KLHL8: variants seen among roughly 807,000 people sequenced by gnomAD.
KLHL8 encodes the protein kelch like family member 8, also known as kelch-like protein 8.
Under a neutral mutation model 63.5 loss-of-function variants are expected in KLHL8, and 38 were observed. The ratio of observed to expected loss-of-function variants is 0.60; its 90% CI spans 0.46 to 0.78. The LOEUF (loss-of-function observed/expected upper bound fraction) is 0.78, where lower values mean the gene tolerates loss of function less well. Among genes scored for constraint, KLHL8 ranks in the 30% least tolerant of loss-of-function variants. The probability of loss-of-function intolerance (pLI) is 0.00; values close to 1 mark genes in which losing one functional copy is unlikely to be tolerated. For synonymous variants in KLHL8, 224 were observed against 254.3 expected (o/e 0.88, Z 1.13); for missense variants, 566 against 752.4 (o/e 0.75, Z 2.90).
At position 87,162,437 on chromosome 4, in the gene KLHL8, ATC is replaced by A. The variant is rs1730209469; in HGVS notation, c.*1080_*1081del. On this transcript the variant is annotated 3_prime_UTR_variant, in exon 10 of 10. Transcript: ENST00000273963. Reference sequence around the variant, plus strand: ...AAATATGATAAAAACAGTAATTTCAATCTCTGTTTTTACCAACAATATGTTTA... The same window carrying A: ...AAATATGATAAAAACAGTAATTTCAATCTGTTTTTACCAACAATATGTTTA... 6.6e-6 allele frequency: 1 copy of A among 152,216 alleles called. No individual in the cohort carries two copies. The allele number at this position is 152,216 out of a possible 1,614,324, so 9.4% of individuals were successfully genotyped here.
intron 1 of KLHL8, among the ~76,000 whole-genome samples, chr4:87,200,717 G>A (rs918066557): frequency 2.0e-5 from 3 of 152,090 alleles, no homozygotes; most frequent in African/African-American, 7.2e-5. Flanking sequence ...TAGCTGCTAT[G>A]GAAACAGTAT....
chr4:87,167,244 G>C, intron 8 of KLHL8: 1 of 502,060 alleles, frequency 2.0e-6, no homozygotes, highest in Non-Finnish European at 3.8e-6. Flanking sequence ...AGATGTGAAG[G>C]TTGTCATCCC....
intron 1 of KLHL8, among the ~76,000 whole-genome samples, chr4:87,236,668 T>TG (rs1733236797): frequency 6.8e-6 from 1 of 147,598 alleles, no homozygotes; most frequent in African/African-American, 2.5e-5. Flanking sequence ...TGTGTCTTTT[T>TG]TTTTTTTTTT....
At chr4:87,173,156 T>C (rs1185121176) in intron 6 of KLHL8, among the ~76,000 whole-genome samples, 6 of 152,150 alleles carry the variant, frequency 3.9e-5, no homozygotes, top group African/African-American at 1.4e-4. Flanking sequence ...TTACCCCACC[T>C]ATAATAACTT....
chr4:87,160,945 G>A lies in KLHL8; in HGVS notation c.*2574C>T, dbSNP rs1479310471. The A allele has an allele frequency of 2.0e-5, 3 of 151,634 alleles. No homozygotes were observed. Among genetic ancestry groups the A allele is most frequent in the Admixed American group, 2.0e-4 (3 of 15,236 alleles). 9.4% of individuals were successfully genotyped at this position (151,634 alleles called of 1,614,324 possible). The stretch of plus-strand genomic sequence containing the variant: ...CTATGAATATAATCATCTTTCAGCT[G>A]CATGATTCCTTCAGCCTGATTCTCA... On this transcript the variant is annotated 3_prime_UTR_variant, in exon 10 of 10. Transcript: ENST00000273963.
Position 87,227,607 on chromosome 4 carries a change from G to GC in KLHL8, n.58-6218dup, listed in dbSNP as rs1168441563. On this transcript the variant is annotated intron_variant and non_coding_transcript_variant, in intron 1 of 1. Coordinates refer to the KLHL8 transcript ENST00000506274. ...GGAGGTTGCAGTGAGCTATGATCAT[G>GC]CCATGCAGTCCAGCTGGAGCAACAA... Among the ~76,000 whole-genome samples the GC allele has an allele frequency of 5.5e-5, 7 of 126,378 alleles. No homozygotes were observed. In the East Asian group the frequency reaches 1.6e-3, roughly 30 times the overall value. 82.9% of individuals were successfully genotyped at this position (126,378 alleles called of 152,430 possible).
At chr4:87,212,697 G>C (rs1732449676) in intron 1 of KLHL8, among the ~76,000 whole-genome samples, 2 of 152,180 alleles carry the variant, frequency 1.3e-5, no homozygotes, top group African/African-American at 4.8e-5. Flanking sequence ...ATAGATGATA[G>C]TCTCATAAGA....
chr4:87,168,785 C>T lies in KLHL8; in HGVS notation c.1537+1294G>A, dbSNP rs528200334. Among the ~76,000 whole-genome samples the T allele has an allele frequency of 2.2e-4, 21 of 95,258 alleles. 1 individual carries two copies. The highest frequency in any genetic ancestry group is 1.9e-3 in the Admixed American group (14 of 7,408). 62.5% of individuals were successfully genotyped at this position (95,258 alleles called of 152,430 possible). ...GTGTATATATATGTGTATATATATA[C>T]GTATATATACACACATATATATACA... On this transcript the variant is annotated intron_variant, in intron 8 of 9. Transcript: ENST00000273963.
chr4:87,189,009 C>T (rs554931114), intron 2 of KLHL8, among the ~76,000 whole-genome samples: 42 of 152,238 alleles, frequency 2.8e-4, no homozygotes, highest in African/African-American at 9.2e-4. Context: ...TGAGCAAAGA[C>T]GGATTCAAGA....
At chr4:87,173,109 T>A (rs968736177) in intron 6 of KLHL8, among the ~76,000 whole-genome samples, 1 of 152,090 alleles carries the variant, frequency 6.6e-6, no homozygotes, top group African/African-American at 2.4e-5. Flanking sequence ...CATCGCCTGG[T>A]TTTTGAAGGC....
At chr4:87,176,564 CAT>C (rs543884193) in intron 6 of KLHL8, among the ~76,000 whole-genome samples, 191 bp downstream of exon 6, 1 of 152,062 alleles carries the variant, frequency 6.6e-6, no homozygotes, top group Non-Finnish European at 1.5e-5. Flanking sequence ...TACTCTAAAA[CAT>C]GACTGCATTT....
At chr4:87,175,131 A>T (rs1730774744) in intron 6 of KLHL8, among the ~76,000 whole-genome samples, 1 of 152,176 alleles carries the variant, frequency 6.6e-6, no homozygotes, top group Non-Finnish European at 1.5e-5. Flanking sequence ...AATTATAAAC[A>T]TGTTACTGTA....
At chr4:87,204,954 T>C (rs1057151619) in intron 1 of KLHL8, among the ~76,000 whole-genome samples, 1 of 152,202 alleles carries the variant, frequency 6.6e-6, no homozygotes, top group Non-Finnish European at 1.5e-5. Flanking sequence ...ATTCATGGAC[T>C]TGTACCCCAA....
At chr4:87,199,398 G>C (rs966496615) in intron 1 of KLHL8, among the ~76,000 whole-genome samples, 1 of 152,036 alleles carries the variant, frequency 6.6e-6, no homozygotes, top group Non-Finnish European at 1.5e-5. Flanking sequence ...AAACCATAAA[G>C]CTACTGGAGG....
chr4:87,195,731 G>A (rs1473002268), intron 1 of KLHL8, 41 bp from the exon 2 acceptor site: 9 of 476,232 alleles, frequency 1.9e-5, no homozygotes, highest in African/African-American at 5.9e-5. Context: ...CAAACGAAAA[G>A]AAAAAAATTA....
At chr4:87,189,693 T>C (rs1026248792) in intron 2 of KLHL8, among the ~76,000 whole-genome samples, 2 of 150,356 alleles carry the variant, frequency 1.3e-5, no homozygotes, top group African/African-American at 2.4e-5. Flanking sequence ...AAAAAAAGAG[T>C]TAACATTTAT....
chr4:87,196,990 C>CTA (rs1731722397), intron 1 of KLHL8, among the ~76,000 whole-genome samples: 1 of 152,188 alleles, frequency 6.6e-6, no homozygotes, highest in South Asian at 2.1e-4. Flanking sequence ...TCAGAAAACT[C>CTA]TAAATATTCT....
At chr4:87,193,083 TTTTC>T (rs1434656655) in intron 2 of KLHL8, among the ~76,000 whole-genome samples, 4 of 152,114 alleles carry the variant, frequency 2.6e-5, no homozygotes, top group African/African-American at 7.2e-5. Context: ...AAAAAAATAT[TTTTC>T]TTTCTTTCAT....
rs191928807 is a variant in KLHL8 at position 87,207,881 on chromosome 4, C to T, written c.-151-12191G>A. On this transcript the variant is annotated intron_variant, in intron 1 of 9. Transcript: ENST00000273963. ...ATCAAGAAGGTGGTGAAGCAGACAT[C>T]GGAGGGCCCCCTCAAGGGCATCCTG... 170 of 1,528,178 alleles carry T rather than the reference C, an allele frequency of 1.1e-4. 2 individuals carry two copies. The South Asian group carries it at 1.5e-3, about 14-fold the overall frequency. 94.7% of individuals were successfully genotyped at this position (1,528,178 alleles called of 1,614,324 possible). A position where few individuals can be genotyped will look rare whatever the true frequency, so the allele number is the denominator to read the frequency against.
Sources: allele counts gnomAD v4.1 joint callset (sites outside exome capture counted in the v4.1 genomes callset), GRCh38; gene constraint gnomAD v4.1.1; transcripts MANE v1.5; gene names NCBI Gene and HGNC (gene_info 2026-07-23, HGNC 2026-07-21).